CSMD1: variants seen among roughly 807,000 people sequenced by gnomAD.
CSMD1 encodes CUB and sushi domain-containing protein 1.
A neutral mutation model predicts 417.5 loss-of-function variants in CSMD1; 213 were observed. The ratio of observed to expected loss-of-function variants is 0.51; its 90% CI spans 0.46 to 0.57. The LOEUF is 0.57. Among genes scored for constraint, CSMD1 ranks in the 20% least tolerant of loss-of-function variants. The probability of loss-of-function intolerance (pLI) is 0.00; values close to 1 mark genes in which losing one functional copy is unlikely to be tolerated. For synonymous variants in CSMD1, 2,862 were observed against 1,736.8 expected, an observed-to-expected ratio of 1.65 and a Z score of -16.11; for missense variants, 6,923 against 4,529.7, an observed-to-expected ratio of 1.53 and a Z score of -15.17.
chr8:4,683,392 G>A (rs949796625), intron 1 of CSMD1, among the ~76,000 whole-genome samples: 17 of 152,090 alleles, frequency 1.1e-4, no homozygotes, highest in Non-Finnish European at 2.4e-4. Context: ...CTCCTTTTCT[G>A]AGACCTGTCC....
Position 3,778,182 on chromosome 8 carries a change from G to A in CSMD1, c.819-24140C>T, listed in dbSNP as rs370684876. Among the ~76,000 whole-genome samples the A allele has an allele frequency of 6.6e-5, 10 of 152,216 alleles. No individual in the cohort carries two copies. In the East Asian group the frequency reaches 1.9e-3, roughly 29 times the overall value. ...AGGATAGATTAGAGGCGTCAGCAGG[G>A]GGCAGGGACGGGATCCTGGCCGTTT... On this transcript the variant is annotated intron_variant, in intron 5 of 69. Coordinates refer to ENST00000635120, the MANE Select transcript of CSMD1 (RefSeq NM_033225.6).
chr8:4,198,265 C>A (rs931908106), intron 3 of CSMD1, among the ~76,000 whole-genome samples: 2 of 152,228 alleles, frequency 1.3e-5, no homozygotes, highest in Non-Finnish European at 2.9e-5. Context: ...CTCATTATTA[C>A]AGAAGCACAG....
At chr8:4,452,608 A>T (rs1458391932) in intron 2 of CSMD1, among the ~76,000 whole-genome samples, 1 of 152,196 alleles carries the variant, frequency 6.6e-6, no homozygotes, top group East Asian at 1.9e-4. Context: ...GAAAAAGATA[A>T]TAGTTTTTAT....
intron 5 of CSMD1, among the ~76,000 whole-genome samples, chr8:3,773,934 G>A (rs902786774): frequency 6.6e-6 from 1 of 152,154 alleles, no homozygotes; most frequent in Non-Finnish European, 1.5e-5. Context: ...TAATTTGCAT[G>A]ACATTGCACA....
intron 26 of CSMD1, among the ~76,000 whole-genome samples, chr8:3,274,284 T>C (rs576282949): frequency 1.3e-5 from 2 of 152,292 alleles, no homozygotes; most frequent in South Asian, 4.1e-4. Context: ...TGCACTGTGG[T>C]CTGAGAGACA....
At chr8:3,758,740 C>T (rs1392505642) in intron 5 of CSMD1, among the ~76,000 whole-genome samples, 1 of 152,128 alleles carries the variant, frequency 6.6e-6, no homozygotes, top group Non-Finnish European at 1.5e-5. Context: ...ATCCCCAAGC[C>T]CCGAGGTCCT....
At chr8:4,857,880 T>C (rs1027848969) in intron 1 of CSMD1, among the ~76,000 whole-genome samples, 5 of 151,490 alleles carry the variant, frequency 3.3e-5, no homozygotes, top group South Asian at 2.1e-4. Flanking sequence ...TTCCAATCAA[T>C]AGAAAAAGAG....
At chr8:4,708,074 G>A (rs1808063415) in intron 1 of CSMD1, among the ~76,000 whole-genome samples, 1 of 152,126 alleles carries the variant, frequency 6.6e-6, no homozygotes, top group African/African-American at 2.4e-5. Flanking sequence ...CTCTGCAGTA[G>A]CTGGGAGAAC....
intron 1 of CSMD1, among the ~76,000 whole-genome samples, chr8:4,671,111 G>C (rs1368925566): frequency 6.6e-6 from 1 of 152,176 alleles, no homozygotes; most frequent in African/African-American, 2.4e-5. Context: ...TGAAAAACTA[G>C]CTGCATTTGC....
intron 42 of CSMD1, among the ~76,000 whole-genome samples, chr8:3,111,826 T>A (rs918659673): frequency 8.6e-5 from 13 of 152,030 alleles, no homozygotes; most frequent in Non-Finnish European, 1.8e-4. Flanking sequence ...AGTCTCTGTC[T>A]CTAAAAATAA....
intron 7 of CSMD1, among the ~76,000 whole-genome samples, chr8:3,624,920 A>G (rs1796420746): frequency 6.6e-6 from 1 of 152,208 alleles, no homozygotes; most frequent in South Asian, 2.1e-4. Flanking sequence ...AAACTTTGTC[A>G]TGCCACACCC....
At chr8:4,301,369 C>T (rs773752865) in intron 3 of CSMD1, among the ~76,000 whole-genome samples, 1 of 152,138 alleles carries the variant, frequency 6.6e-6, no homozygotes, top group Non-Finnish European at 1.5e-5. Flanking sequence ...CACTTCCAGC[C>T]CTTGGTAGCC....
chr8:3,354,928 G>GCTCT (rs1808673598), intron 21 of CSMD1, among the ~76,000 whole-genome samples: 1 of 150,608 alleles, frequency 6.6e-6, no homozygotes, highest in African/African-American at 2.4e-5. Flanking sequence ...TCTATCTATA[G>GCTCT]ATATAGATAT....
intron 5 of CSMD1, among the ~76,000 whole-genome samples, chr8:3,828,305 C>A (rs1211682975): frequency 2.0e-5 from 3 of 152,138 alleles, no homozygotes; most frequent in African/African-American, 4.8e-5. Context: ...GTTTGGAACA[C>A]CTGTCTCAGC....
At chr8:3,127,484 C>T (rs1817570337) in intron 41 of CSMD1, 1 of 152,070 alleles carries the variant, frequency 6.6e-6, no homozygotes, top group Non-Finnish European at 1.5e-5. Context: ...GTTCATTGTG[C>T]CTGGAGGTGG....
At position 4,267,284 on chromosome 8, in the gene CSMD1, A is replaced by G. The variant is rs1356550872; in HGVS notation, c.415+152669T>C. Among the ~76,000 whole-genome samples, 2 of 103,890 alleles carry G rather than the reference A, an allele frequency of 1.9e-5. 1 individual carries two copies. The highest frequency in any genetic ancestry group is 5.2e-5 in the African/African-American group (2 of 38,378). The allele number at this position is 103,890 out of a possible 152,430, so 68.2% of individuals were successfully genotyped here. A position where few individuals can be genotyped will look rare whatever the true frequency, so the allele number is the denominator to read the frequency against. On this transcript the variant is annotated intron_variant, in intron 3 of 69. Coordinates refer to ENST00000635120, the MANE Select transcript of CSMD1 (RefSeq NM_033225.6). ...GAAAATATATCATGTTTTAATATGT[A>G]TTAGCTATAACCATTTAGAAAATAT...
intron 10 of CSMD1, among the ~76,000 whole-genome samples, chr8:3,529,728 T>A (rs1797899007): frequency 6.6e-6 from 1 of 152,178 alleles, no homozygotes; most frequent in Non-Finnish European, 1.5e-5. Flanking sequence ...ATCTGTTGTT[T>A]TACTCACAGG....
chr8:4,220,677 A>G (rs1800976094), intron 3 of CSMD1, among the ~76,000 whole-genome samples: 1 of 152,184 alleles, frequency 6.6e-6, no homozygotes, highest in Non-Finnish European at 1.5e-5. Flanking sequence ...CAAAAGAAGG[A>G]AAGGGAAGAT....
At chr8:4,132,663 T>A (rs1381237917) in intron 3 of CSMD1, among the ~76,000 whole-genome samples, 1 of 152,146 alleles carries the variant, frequency 6.6e-6, no homozygotes, top group African/African-American at 2.4e-5. Context: ...TCACAACTCA[T>A]GACAAACCTG....
Sources: allele counts gnomAD v4.1 joint callset (sites outside exome capture counted in the v4.1 genomes callset), GRCh38; gene constraint gnomAD v4.1.1; transcripts MANE v1.5; gene names NCBI Gene and HGNC (gene_info 2026-07-23, HGNC 2026-07-21).